The following GMDS variants were observed in gnomAD, a reference collection of about 807,000 sequenced individuals.
GMDS encodes GDP-mannose 4,6-dehydratase.
A neutral mutation model predicts 49.9 loss-of-function variants in GMDS; 20 were observed. That is an observed-to-expected ratio of 0.40 (90% CI 0.28 to 0.58). The LOEUF is 0.58. Ranked by LOEUF, GMDS falls within the 20% of genes least tolerant of loss-of-function variation. The pLI is 0.42. For synonymous variants in GMDS, 177 were observed against 178.6 expected (o/e 0.99, Z 0.07); for missense variants, 362 against 481.4 (o/e 0.75, Z 2.32).
intron 7 of GMDS, among the ~76,000 whole-genome samples, chr6:1,839,678 A>C (rs371048520): frequency 6.6e-6 from 1 of 152,074 alleles, no homozygotes; most frequent in Non-Finnish European, 1.5e-5. Context: ...TGTAATTTTC[A>C]CCCTGGAAGT....
At chr6:1,946,502 T>C (rs1387905731) in intron 6 of GMDS, among the ~76,000 whole-genome samples, 1 of 85,364 alleles carries the variant, frequency 1.2e-5, no homozygotes, top group African/African-American at 5.2e-5. Context: ...TTACCTGCTA[T>C]GCTATCATTA....
At chr6:2,135,349 G>GT (rs1329372171) in intron 1 of GMDS, among the ~76,000 whole-genome samples, 4 of 152,088 alleles carry the variant, frequency 2.6e-5, no homozygotes, top group African/African-American at 4.8e-5. Context: ...GTATCCGTGA[G>GT]TGAGTGTGTG....
At chr6:1,630,359 C>G (rs1414229095) in intron 9 of GMDS, among the ~76,000 whole-genome samples, 1 of 152,246 alleles carries the variant, frequency 6.6e-6, no homozygotes, top group East Asian at 1.9e-4. Context: ...GTTCCTTTCC[C>G]CAGACCAGGC....
At chr6:2,197,180 C>G (rs1331198335) in intron 1 of GMDS, among the ~76,000 whole-genome samples, 1 of 152,166 alleles carries the variant, frequency 6.6e-6, no homozygotes, top group Non-Finnish European at 1.5e-5. Flanking sequence ...CCATTACTGG[C>G]TTTAGTAGGA....
chr6:2,240,918 T>C (rs947686322), intron 1 of GMDS, among the ~76,000 whole-genome samples: 1 of 152,174 alleles, frequency 6.6e-6, no homozygotes, highest in Non-Finnish European at 1.5e-5. Flanking sequence ...AACCTGGTCA[T>C]GTGATAGTGA....
At chr6:1,727,879 T>C (rs537335507) in intron 8 of GMDS, among the ~76,000 whole-genome samples, 1 of 152,366 alleles carries the variant, frequency 6.6e-6, no homozygotes, top group South Asian at 2.1e-4. Context: ...TGTTGAATAA[T>C]ATACAGCTGT....
At chr6:1,906,071 C>T (rs1760763181) in intron 7 of GMDS, among the ~76,000 whole-genome samples, 1 of 151,970 alleles carries the variant, frequency 6.6e-6, no homozygotes, top group Middle Eastern at 3.4e-3. Flanking sequence ...ATGAAACTAC[C>T]AAATAAGTGA....
At chr6:2,041,957 T>G (rs891117492) in intron 4 of GMDS, among the ~76,000 whole-genome samples, 1 of 152,184 alleles carries the variant, frequency 6.6e-6, no homozygotes, top group Non-Finnish European at 1.5e-5. Context: ...CCTATGCACA[T>G]GGACTGTGTA....
At position 1,673,535 on chromosome 6, in the gene GMDS, T is replaced by C. The variant is rs555566706; in HGVS notation, c.988-48995A>G. ...AGAGTGTTATATTTGTTATAACTGA[T>C]GAACTGATATTATTATTACCTAAAA... On this transcript the variant is annotated intron_variant, in intron 9 of 10. Coordinates refer to ENST00000380815, the MANE Select transcript of GMDS (RefSeq NM_001500.4). Among the ~76,000 whole-genome samples the C allele has an allele frequency of 3.8e-4, 58 of 152,226 alleles. 1 individual carries two copies. Among genetic ancestry groups the C allele is most frequent in the Admixed American group, 3.7e-3 (57 of 15,300 alleles).
chr6:1,875,004 T>C (rs17134428), intron 7 of GMDS, among the ~76,000 whole-genome samples: 4,385 of 152,352 alleles, frequency 0.029, 208 homozygotes, highest in African/African-American at 0.099. Flanking sequence ...GTCACTTGAC[T>C]ATTTTGTCCA....
At chr6:1,624,775 C>T in intron 9 of GMDS, 1 of 506,716 alleles carries the variant, frequency 2.0e-6, no homozygotes, top group South Asian at 3.0e-5. Flanking sequence ...GCGATCCACC[C>T]CCAGCTACCT....
chr6:2,120,767 A>G (rs562487619), intron 2 of GMDS, among the ~76,000 whole-genome samples: 12 of 152,294 alleles, frequency 7.9e-5, no homozygotes, highest in African/African-American at 2.6e-4. Flanking sequence ...ATTTCTGTCA[A>G]TCCTCCGTTT....
At position 1,915,776 on chromosome 6, in the gene GMDS, G is replaced by A. The variant is rs922260792; in HGVS notation, c.771+14327C>T. Among the ~76,000 whole-genome samples, 13 of 152,158 alleles carry A rather than the reference G, an allele frequency of 8.5e-5. No individual in the cohort carries two copies. In the East Asian group the frequency reaches 9.6e-4, roughly 11 times the overall value. ...AGTGAGAAAAATATGAGAATAGCAC[G>A]TATCTTACCAGACTCCTGTGAAAGT... On this transcript the variant is annotated intron_variant, in intron 7 of 10. Coordinates refer to ENST00000380815, the MANE Select transcript of GMDS (RefSeq NM_001500.4).
At chr6:1,718,986 G>A (rs562620272) in intron 9 of GMDS, among the ~76,000 whole-genome samples, 2 of 151,974 alleles carry the variant, frequency 1.3e-5, no homozygotes, top group Non-Finnish European at 2.9e-5. Context: ...TTTTCATGGG[G>A]GCAAGGCATA....
chr6:1,836,113 C>T lies in GMDS; in HGVS notation c.772-93527G>A, dbSNP rs1048920397. On this transcript the variant is annotated intron_variant, in intron 7 of 10. Transcript: ENST00000380815. This position sits in a 1 kb window ranked among gnomAD's most constrained non-coding sequence, Gnocchi z 4.2. The stretch of plus-strand genomic sequence containing the variant: ...CGATCTCCTGATCTCGTGATCCACC[C>T]GCCTCAGCCTCCCAAAGTGCTGGGA... 1.1e-4 allele frequency among the ~76,000 whole-genome samples: 17 copies of T among 152,276 alleles called. No homozygotes were observed. Among genetic ancestry groups the T allele is most frequent in the South Asian group, 2.1e-4 (1 of 4,828 alleles).
At chr6:1,845,297 GT>G (rs1173672722) in intron 7 of GMDS, among the ~76,000 whole-genome samples, 2 of 152,176 alleles carry the variant, frequency 1.3e-5, no homozygotes, top group Middle Eastern at 3.2e-3. Context: ...CACGGTCATA[GT>G]TTATTATCCC....
At chr6:2,076,768 G>A (rs887149588) in intron 4 of GMDS, among the ~76,000 whole-genome samples, 1 of 152,104 alleles carries the variant, frequency 6.6e-6, no homozygotes, top group Non-Finnish European at 1.5e-5. Flanking sequence ...ATTCAAGATG[G>A]ATTAAAGACT....
At chr6:1,978,147 C>T (rs770245295) in intron 4 of GMDS, among the ~76,000 whole-genome samples, 8 of 152,156 alleles carry the variant, frequency 5.3e-5, no homozygotes, top group East Asian at 3.9e-4. Flanking sequence ...TTCCAACCTG[C>T]GGGCTTTGGA....
At chr6:1,673,926 A>G (rs1233943700) in intron 9 of GMDS, among the ~76,000 whole-genome samples, 3 of 108,410 alleles carry the variant, frequency 2.8e-5, no homozygotes, top group African/African-American at 9.4e-5. Context: ...CCAGAAGTTG[A>G]TCCATTAGAA....
Sources: allele counts gnomAD v4.1 joint callset (sites outside exome capture counted in the v4.1 genomes callset), GRCh38; gene constraint gnomAD v4.1.1; non-coding constraint Gnocchi (gnomAD v3.1); transcripts MANE v1.5; gene names NCBI Gene and HGNC (gene_info 2026-07-23, HGNC 2026-07-21).